RFX5: variants seen among roughly 807,000 people sequenced by gnomAD.
RFX5 encodes DNA-binding protein RFX5.
Under a neutral mutation model 41.2 loss-of-function variants are expected in RFX5, and 30 were observed. The observed-to-expected ratio is 0.73, with a 90% CI of 0.54 to 0.99. The LOEUF is 0.99. Ranked by LOEUF, RFX5 falls within the 50% of genes least tolerant of loss-of-function variation. RFX5 has a pLI of 0.00. For synonymous variants in RFX5, 231 were observed against 291.8 expected, an observed-to-expected ratio of 0.79 and a Z score of 2.12; for missense variants, 715 against 773.6, an observed-to-expected ratio of 0.92 and a Z score of 0.90.
chr1:151,343,265 G>T lies in RFX5; in HGVS notation c.858+77C>A. 3 of 1,608,382 alleles carry T rather than the reference G, an allele frequency of 1.9e-6. No homozygotes were observed. In the East Asian group the frequency reaches 6.7e-5, roughly 36 times the overall value. ...CGCCAGAGGCACAGGAGGTGGAAAAGCAAGGGACCCAATTGGAGAAGGATA... is the reference window on the plus strand; with the variant it reads ...CGCCAGAGGCACAGGAGGTGGAAAATCAAGGGACCCAATTGGAGAAGGATA... On this transcript the variant is annotated intron_variant, in intron 10 of 10. Transcript: ENST00000452671.
At chr1:151,344,917 T>C in intron 5 of RFX5, 70 bp from the exon 6 acceptor site, 1 of 1,612,732 alleles carries the variant, frequency 6.2e-7, no homozygotes, top group South Asian at 1.1e-5. Context: ...AAACTACCAC[T>C]TCAGTAGTGC....
rs2102072166 is a variant in RFX5, at chr1:151,346,514, C to T, written c.-39G>A. The T allele has an allele frequency of 1.7e-6, 1 of 579,956 alleles. No individual in the cohort carries two copies. Among genetic ancestry groups the T allele is most frequent in the East Asian group, 2.9e-5 (1 of 34,346 alleles). 35.9% of individuals were successfully genotyped at this position (579,956 alleles called of 1,614,324 possible). Reference sequence around the variant, plus strand: ...CTTCTCCGAAAATTAGAAATTATTCCATTACTTCGCCAGGCCCATATATGC... The same window carrying T: ...CTTCTCCGAAAATTAGAAATTATTCTATTACTTCGCCAGGCCCATATATGC... On this transcript the variant is annotated 5_prime_UTR_variant, in exon 2 of 11. An upstream start codon of the reference 5' UTR is lost. Coordinates refer to ENST00000452671, the MANE Select transcript of RFX5 (RefSeq NM_001025603.2).
In RFX5 at chr1:151,346,431, C is replaced by T. The variant is rs1651070666; in HGVS notation, c.-14+58G>A. On this transcript the variant is annotated intron_variant, in intron 2 of 10. Transcript: ENST00000452671. ...CTCCTCATCTCTTTACCCAGAAAGG[C>T]AGAGAAACAGAAACAAAGCCTCCGA... 4.5e-6 allele frequency: 4 copies of T among 884,764 alleles called. No individual in the cohort carries two copies. The East Asian group carries it at 7.8e-5, about 17-fold the overall frequency. The allele number at this position is 884,764 out of a possible 1,614,324, so 54.8% of individuals were successfully genotyped here. A position where few individuals can be genotyped will look rare whatever the true frequency, so the allele number is the denominator to read the frequency against.
intron 4 of RFX5, chr1:151,345,572 AC>A (rs1287905459): frequency 8.4e-6 from 3 of 358,050 alleles, no homozygotes; most frequent in Non-Finnish European, 1.6e-5. Context: ...AGATTGCGCC[AC>A]TGCACTCCAG....
At chr1:151,344,896 T>C in intron 5 of RFX5, 49 bp from the exon 6 acceptor site, 1 of 1,614,068 alleles carries the variant, frequency 6.2e-7, no homozygotes, top group Non-Finnish European at 8.5e-7. Context: ...ACAGTTGTCC[T>C]GGTTCTTCCC....
chr1:151,343,028 G>A lies in RFX5; in HGVS notation c.1009C>T (p.Pro337Ser). 2 of 1,613,604 alleles carry A rather than the reference G, an allele frequency of 1.2e-6. No homozygotes were observed. The highest frequency in any genetic ancestry group is 2.2e-5 in the East Asian group (1 of 44,888). The change falls in exon 11 of 11, where the codon CCT (proline) becomes TCT (serine). Residue 337 changes from proline (P) to serine (S), a missense_variant. By Grantham distance (74) the Pro-to-Ser change is moderately conservative. Transcript: ENST00000452671. ...ARLPLLLPRA[P>S]RSLIPPIPVS... ...GGGATTGGCGGAATTAGTGAGCGAG[G>A]GGCCCGGGGAAGGAGCAGAGGCAGC... is the stretch of plus-strand genomic sequence containing the variant.
Position 151,344,241 on chromosome 1 carries a change from A to G in RFX5, c.511T>C (p.Ser171Pro). ...YSGIRRKTLV[S>P]MPPLPGLDLK... ...TCAAGTCCAGGCAGGGGTGGCATAG[A>G]CACCAAGGTCTTCCTCCTTATGCCA... The change falls in exon 8 of 11, where the codon TCT becomes CCT. Residue 171 changes from serine to proline, a missense_variant. Transcript: ENST00000452671. The G allele has an allele frequency of 6.2e-7, 1 of 1,614,218 alleles. No individual in the cohort carries two copies. Among genetic ancestry groups the G allele is most frequent in the Middle Eastern group, 1.6e-4 (1 of 6,062 alleles).
At position 151,346,265 on chromosome 1, in the gene RFX5, G is replaced by C. The variant is rs548049340; in HGVS notation, c.56C>G (p.Pro19Arg). 31 of 1,613,854 alleles carry C rather than the reference G, an allele frequency of 1.9e-5. No individual in the cohort carries two copies. In the South Asian group the frequency reaches 3.2e-4, roughly 17 times the overall value. The change falls in exon 3 of 11, where the codon CCA becomes CGA. Residue 19 changes from proline (P) to arginine (R), a missense_variant. Coordinates refer to ENST00000452671, the MANE Select transcript of RFX5 (RefSeq NM_001025603.2). ...AGGTTCCCCAGCCTCAGCACCACCT[G>C]GGGGGGCCCTTCCCCCAGTCTTGGG... ...KSPKTGGRAP[P>R]GGAEAGEPTT...
At chr1:151,345,079 G>A in intron 5 of RFX5, 27 bp downstream of exon 5, 1 of 1,599,088 alleles carries the variant, frequency 6.3e-7, no homozygotes, top group South Asian at 1.1e-5. Context: ...CAGAACCTCT[G>A]CCATCTAAAA....
In RFX5 at chr1:151,342,859, C is replaced by T. The variant is rs779249436; in HGVS notation, c.1178G>A (p.Gly393Glu). The T allele has an allele frequency of 6.2e-7, 1 of 1,614,046 alleles. No individual in the cohort carries two copies. The highest frequency in any genetic ancestry group is 8.5e-7 in the Non-Finnish European group (1 of 1,180,030). ...MILPTVPALP[G>E]PGPGPGRAPP... The stretch of plus-strand genomic sequence containing the variant: ...AGCTCGCCCAGGCCCAGGTCCAGGT[C>T]CAGGCAAAGCAGGAACAGTTGGTAA... Residue 393 changes from glycine (G) to glutamate (E), a missense_variant, in exon 11 of 11, where the codon GGA (glycine) becomes GAA (glutamate). Transcript: ENST00000452671.
Position 151,344,519 on chromosome 1 carries a change from A to G in RFX5, c.371T>C (p.Leu124Pro). Reference protein sequence around the residue: ...YDAYRKYCESLACCRPLSTAN... With the variant: ...YDAYRKYCESPACCRPLSTAN... Reference sequence around the variant, plus strand: ...TGTGCTGAGTGGGCGGCAACAGGCAAGACTCTCACAGTACTTCCTGAGTGA... The same window carrying G: ...TGTGCTGAGTGGGCGGCAACAGGCAGGACTCTCACAGTACTTCCTGAGTGA... Residue 124 changes from leucine (L) to proline (P), a missense_variant, in exon 7 of 11, where the codon CTT (leucine) becomes CCT (proline). Coordinates refer to ENST00000452671, the MANE Select transcript of RFX5 (RefSeq NM_001025603.2). 2 of 1,614,238 alleles carry G rather than the reference A, an allele frequency of 1.2e-6. No individual in the cohort carries two copies. The highest frequency in any genetic ancestry group is 8.5e-7 in the Non-Finnish European group (1 of 1,180,044).
Position 151,341,942 on chromosome 1 carries a change from T to A in RFX5, c.*244A>T, listed in dbSNP as rs2233857. On this transcript the variant is annotated 3_prime_UTR_variant, in exon 11 of 11. Transcript: ENST00000452671. ...AGCCCATTCCTACCTTCCCACAGGATAGCACAGGGAATACAGGTAAGGTCA... is the reference window on the plus strand; with the variant it reads ...AGCCCATTCCTACCTTCCCACAGGAAAGCACAGGGAATACAGGTAAGGTCA... 1 of 696,408 alleles carries A rather than the reference T, an allele frequency of 1.4e-6. No homozygotes were observed. The highest frequency in any genetic ancestry group is 2.7e-6 in the Non-Finnish European group (1 of 373,352). 43.1% of individuals were successfully genotyped at this position (696,408 alleles called of 1,614,324 possible).
chr1:151,341,845 T>A lies in RFX5; in HGVS notation c.*341A>T, dbSNP rs895670552. The A allele has an allele frequency of 2.4e-6, 1 of 424,866 alleles. No individual in the cohort carries two copies. The highest frequency in any genetic ancestry group is 2.0e-5 in the African/African-American group (1 of 48,990). 26.3% of individuals were successfully genotyped at this position (424,866 alleles called of 1,614,324 possible). On this transcript the variant is annotated 3_prime_UTR_variant, in exon 11 of 11. Coordinates refer to ENST00000452671, the MANE Select transcript of RFX5 (RefSeq NM_001025603.2). ...CATGAACCAATAAATCCTTTTTATTTTAAGCCAGTTTGAATTAGGTTTTCT... is the reference window on the plus strand; with the variant it reads ...CATGAACCAATAAATCCTTTTTATTATAAGCCAGTTTGAATTAGGTTTTCT...
chr1:151,344,814 G>A lies in RFX5; in HGVS notation c.267C>T (p.Tyr89=). Residue 89 remains tyrosine (Y), a synonymous_variant, in exon 6 of 11, where the codon TAC becomes TAT. Transcript: ENST00000452671. ...SEPSTLSNEE[Y]MYAYRWIRNH... is the part of the protein sequence containing the mutation. Reference sequence around the variant, plus strand: ...TGCGGATCCACCTATAGGCATACATGTACTCCTCATTGCTCAGTGTACTTG... The same window carrying A: ...TGCGGATCCACCTATAGGCATACATATACTCCTCATTGCTCAGTGTACTTG... The A allele has an allele frequency of 6.2e-7, 1 of 1,609,886 alleles. No homozygotes were observed. Among genetic ancestry groups the A allele is most frequent in the Non-Finnish European group, 8.5e-7 (1 of 1,177,782 alleles).
intron 9 of RFX5, 116 bp downstream of exon 9, chr1:151,343,565 G>A (rs1650709931): frequency 7.1e-7 from 1 of 1,417,348 alleles, no homozygotes; most frequent in Admixed American, 1.9e-5. Context: ...GCATGTCTTA[G>A]AAGGGTCTCC....
chr1:151,344,853 G>A lies in RFX5; in HGVS notation c.234-6C>T, dbSNP rs773511375. ...TCAGTGTACTTGGCTCTGAGCTACA[G>A]AAACAAAAGGAACAAGCATTACTAA... On this transcript the variant is annotated splice_region_variant and splice_polypyrimidine_tract_variant and intron_variant, in intron 5 of 10. Transcript: ENST00000452671. 1 of 1,614,174 alleles carries A rather than the reference G, an allele frequency of 6.2e-7. No homozygotes were observed. Among genetic ancestry groups the A allele is most frequent in the Admixed American group, 1.7e-5 (1 of 60,020 alleles).
rs915378917 is a variant in RFX5 at position 151,342,100 on chromosome 1, AG to A, written c.*85del. ...GAATGGACTTCCTTAGGAAAAGAAT[AG>A]CCAAATGAGAAGCAAGTGCAAAGAA... On this transcript the variant is annotated 3_prime_UTR_variant, in exon 11 of 11. Transcript: ENST00000452671. The A allele has an allele frequency of 6.3e-7, 1 of 1,583,968 alleles. No homozygotes were observed. Among genetic ancestry groups the A allele is most frequent in the Non-Finnish European group, 8.7e-7 (1 of 1,153,218 alleles).
Position 151,341,987 on chromosome 1 carries a change from A to C in RFX5, c.*199T>G, listed in dbSNP as rs1650479647. The stretch of plus-strand genomic sequence containing the variant: ...AGGTCACTACAGATTTATTGGTTAC[A>C]CTAAAGCCCAGGGTATCAAGCTGAA... On this transcript the variant is annotated 3_prime_UTR_variant, in exon 11 of 11. Coordinates refer to ENST00000452671, the MANE Select transcript of RFX5 (RefSeq NM_001025603.2). 4.0e-6 allele frequency: 3 copies of C among 753,072 alleles called. No individual in the cohort carries two copies. The highest frequency in any genetic ancestry group is 4.8e-6 in the Non-Finnish European group (2 of 417,956). The allele number at this position is 753,072 out of a possible 1,614,324, so 46.6% of individuals were successfully genotyped here.
At position 151,343,683 on chromosome 1, in the gene RFX5, G is replaced by A. The variant is rs1177228974; in HGVS notation, c.755C>T (p.Ala252Val). 6.2e-7 allele frequency: 1 copy of A among 1,613,840 alleles called. No homozygotes were observed. Among genetic ancestry groups the A allele is most frequent in the South Asian group, 1.1e-5 (1 of 91,018 alleles). The change falls in exon 9 of 11, where the codon GCT becomes GTT. Residue 252 changes from alanine (A) to valine (V), a missense_variant and splice_region_variant. Coordinates refer to ENST00000452671, the MANE Select transcript of RFX5 (RefSeq NM_001025603.2). ...HAHVLKAMGL[A>V]EEDEHAPRER... ...GACATAAGAGAGGGTCAACACACCA[G>A]CGAGCCCCATGGCCTTAAGCACATG...
Sources: gnomAD v4.1 joint callset for allele counts on GRCh38, gnomAD v4.1.1 for gene constraint, MANE v1.5 for transcripts, NCBI Gene and HGNC (gene_info 2026-07-23, HGNC 2026-07-21) for gene names.